The following RAB11FIP2 variants were observed in gnomAD, a reference collection of about 807,000 sequenced individuals.
The protein encoded by RAB11FIP2 is RAB11 family interacting protein 2.
RAB11FIP2 carries 16 observed loss-of-function variants against 40.9 expected under a neutral mutation model. That is an observed-to-expected ratio of 0.39 (90% CI 0.26 to 0.59). The LOEUF (loss-of-function observed/expected upper bound fraction) is 0.59. Ranked by LOEUF, RAB11FIP2 falls within the 20% of genes least tolerant of loss-of-function variation. The probability of loss-of-function intolerance (pLI) is 0.53; values close to 1 mark genes in which losing one functional copy is unlikely to be tolerated. For missense variants in RAB11FIP2, 532 were observed against 606.2 expected (o/e 0.88, Z 1.28); for synonymous variants, 228 against 213.7 (o/e 1.07, Z -0.58).
At chr10:118,010,125 A>G (rs12411445) in intron 4 of RAB11FIP2, among the ~76,000 whole-genome samples, 20 of 152,294 alleles carry the variant, frequency 1.3e-4, no homozygotes, top group Admixed American at 1.2e-3. Context: ...ATTTCTCAGG[A>G]ATTTAATCAA....
chr10:118,025,712 T>C (rs1846334608), intron 3 of RAB11FIP2, among the ~76,000 whole-genome samples: 1 of 152,196 alleles, frequency 6.6e-6, no homozygotes, highest in Non-Finnish European at 1.5e-5. Context: ...TTCTAACCCT[T>C]AACAGTTTTA....
intron 3 of RAB11FIP2, among the ~76,000 whole-genome samples, chr10:118,037,546 T>TTTGATA (rs1589647192): frequency 1.3e-5 from 2 of 152,080 alleles, no homozygotes; most frequent in East Asian, 3.9e-4. Flanking sequence ...ATAATTGTAG[T>TTTGATA]CACCATTTAT....
At chr10:118,013,915 TTTTG>T (rs1020702196) in intron 4 of RAB11FIP2, among the ~76,000 whole-genome samples, 1 of 152,130 alleles carries the variant, frequency 6.6e-6, no homozygotes, top group African/African-American at 2.4e-5. Context: ...TGATGTTGCA[TTTTG>T]TTTGAGATTA....
At chr10:118,042,230 G>T (rs1358702329) in intron 1 of RAB11FIP2, among the ~76,000 whole-genome samples, 1 of 152,064 alleles carries the variant, frequency 6.6e-6, no homozygotes, top group Non-Finnish European at 1.5e-5. Flanking sequence ...AAACGAGCAC[G>T]TATGTAACAA....
chr10:118,042,698 CTGTG>C (rs140082644), intron 1 of RAB11FIP2, among the ~76,000 whole-genome samples: 5 of 151,226 alleles, frequency 3.3e-5, no homozygotes, highest in Non-Finnish European at 5.9e-5. Context: ...TAAGCTACAA[CTGTG>C]TGTGTGTGTG....
rs942259836 is a variant in RAB11FIP2 at position 118,005,117 on chromosome 10, A to G, written c.*3881T>C. 2.0e-5 allele frequency: 3 copies of G among 152,644 alleles called. No homozygotes were observed. Among genetic ancestry groups the G allele is most frequent in the Admixed American group, 1.3e-4 (2 of 15,284 alleles). The allele number at this position is 152,644 out of a possible 1,614,324, so 9.5% of individuals were successfully genotyped here. ...TAAGTGTTATACTCTTCAGTTATAA[A>G]TAATGCTTCTATCTTTCAAATACCC... is the stretch of plus-strand genomic sequence containing the variant. On this transcript the variant is annotated 3_prime_UTR_variant, in exon 5 of 5. Coordinates refer to ENST00000355624, the MANE Select transcript of RAB11FIP2 (RefSeq NM_014904.3).
At chr10:118,041,218 T>C (rs145703031) in intron 1 of RAB11FIP2, among the ~76,000 whole-genome samples, 122 of 151,344 alleles carry the variant, frequency 8.1e-4, no homozygotes, top group African/African-American at 2.8e-3. Flanking sequence ...ATGCAAGAAG[T>C]GACAAAAAAT....
rs1349175290 is a variant in RAB11FIP2, at chr10:118,046,747, G to A, written c.-584C>T. The A allele has an allele frequency of 6.6e-6, 1 of 152,150 alleles. No homozygotes were observed. Among genetic ancestry groups the A allele is most frequent in the East Asian group, 1.9e-4 (1 of 5,156 alleles). The allele number at this position is 152,150 out of a possible 1,614,324, so 9.4% of individuals were successfully genotyped here. A position where few individuals can be genotyped will look rare whatever the true frequency, so the allele number is the denominator to read the frequency against. The stretch of plus-strand genomic sequence containing the variant: ...CCTCAGCTCCTCCTCTCGGGCGGGA[G>A]CGGGTAGCCAGGGGTGGAGTGGGGG... On this transcript the variant is annotated 5_prime_UTR_variant, in exon 1 of 5. Transcript: ENST00000355624.
chr10:118,020,611 G>A (rs775180443), intron 3 of RAB11FIP2, among the ~76,000 whole-genome samples: 60 of 152,078 alleles, frequency 3.9e-4, no homozygotes, highest in Admixed American at 3.3e-4. Flanking sequence ...TCCCAGCACC[G>A]CTCCCCTGCC....
chr10:118,032,852 C>T (rs1466643838), intron 3 of RAB11FIP2, among the ~76,000 whole-genome samples: 1 of 152,108 alleles, frequency 6.6e-6, no homozygotes, highest in Non-Finnish European at 1.5e-5. Context: ...ACTGTCTACA[C>T]TGCCTGCCCA....
chr10:118,006,436 T>C lies in RAB11FIP2; in HGVS notation c.*2562A>G, dbSNP rs912127223. ...TACTGTGCATTATTTAATAAGCACA[T>C]ATATTTTATTTCCATTTCTAAGCAA... On this transcript the variant is annotated 3_prime_UTR_variant, in exon 5 of 5. Coordinates refer to ENST00000355624, the MANE Select transcript of RAB11FIP2 (RefSeq NM_014904.3). 1.3e-5 allele frequency: 2 copies of C among 152,334 alleles called. No individual in the cohort carries two copies. Among genetic ancestry groups the C allele is most frequent in the African/African-American group, 2.4e-5 (1 of 41,432 alleles). The allele number at this position is 152,334 out of a possible 1,614,324, so 9.4% of individuals were successfully genotyped here. A position where few individuals can be genotyped will look rare whatever the true frequency, so the allele number is the denominator to read the frequency against.
chr10:118,040,552 C>G lies in RAB11FIP2; in HGVS notation c.367G>C (p.Glu123Gln). ...TTGATTCGTTTTCCTTGTTTGGATT[C>G]TAATCTAAACCACCTTAAAGAGAAG... The part of the protein sequence containing the change: ...QRRKTEWFRL[E>Q]SKQGKRIKNR... Residue 123 changes from glutamate (E) to glutamine (Q), a missense_variant, in exon 2 of 5, where the codon GAA (glutamate) becomes CAA (glutamine). Coordinates refer to ENST00000355624, the MANE Select transcript of RAB11FIP2 (RefSeq NM_014904.3). 1 of 1,603,256 alleles carries G rather than the reference C, an allele frequency of 6.2e-7. No homozygotes were observed. Among genetic ancestry groups the G allele is most frequent in the Non-Finnish European group, 8.5e-7 (1 of 1,175,174 alleles).
rs1246650550 is a variant in RAB11FIP2 at position 118,037,512 on chromosome 10, AT to A, written c.1265+1459del. Among the ~76,000 whole-genome samples the A allele has an allele frequency of 2.0e-5, 3 of 152,230 alleles. No individual in the cohort carries two copies. The East Asian group carries it at 5.8e-4, about 29-fold the overall frequency. On this transcript the variant is annotated intron_variant, in intron 3 of 4. Coordinates refer to ENST00000355624, the MANE Select transcript of RAB11FIP2 (RefSeq NM_014904.3). ...AAACAAAGCACTGTTTTTTAGTAAA[AT>A]ATAACATGACGATACATCAAACATA...
intron 4 of RAB11FIP2, among the ~76,000 whole-genome samples, chr10:118,012,489 T>C (rs1192480185): frequency 2.0e-5 from 3 of 151,894 alleles, no homozygotes; most frequent in Admixed American, 2.0e-4. Flanking sequence ...AACCTTCTAA[T>C]TTTAGGCATG....
At chr10:118,042,694 A>G (rs749208032) in intron 1 of RAB11FIP2, among the ~76,000 whole-genome samples, 1 of 152,180 alleles carries the variant, frequency 6.6e-6, no homozygotes, top group Non-Finnish European at 1.5e-5. Context: ...CAAGTAAGCT[A>G]CAACTGTGTG....
chr10:118,040,371 G>A lies in RAB11FIP2; in HGVS notation c.548C>T (p.Thr183Met), dbSNP rs1316460402. Residue 183 changes from threonine to methionine, a missense_variant, in exon 2 of 5, where the codon ACG becomes ATG. By Grantham distance (81) the Thr-to-Met change is moderately conservative. Transcript: ENST00000355624. ...AGTACTTGGAATGATTGCAGAAGACGTATCAGAAAATGTTCCATCATTTTT... is the reference window on the plus strand; with the variant it reads ...AGTACTTGGAATGATTGCAGAAGACATATCAGAAAATGTTCCATCATTTTT... ...GRKNDGTFSDTSSAIIPSTHM... is the reference protein window; with the variant it reads ...GRKNDGTFSDMSSAIIPSTHM... 2.5e-6 allele frequency: 4 copies of A among 1,613,510 alleles called. No individual in the cohort carries two copies. The highest frequency in any genetic ancestry group is 3.4e-6 in the Non-Finnish European group (4 of 1,179,596).
At chr10:118,029,843 A>T (rs1165982596) in intron 3 of RAB11FIP2, among the ~76,000 whole-genome samples, 2 of 152,188 alleles carry the variant, frequency 1.3e-5, no homozygotes, top group African/African-American at 4.8e-5. Context: ...AGAAATTTCA[A>T]ATTTACACAG....
At chr10:118,029,198 T>C (rs1191555197) in intron 3 of RAB11FIP2, among the ~76,000 whole-genome samples, 1 of 152,060 alleles carries the variant, frequency 6.6e-6, no homozygotes, top group East Asian at 1.9e-4. Flanking sequence ...GTTTTTATTG[T>C]CTCTTCTCCC....
At chr10:118,014,592 A>G (rs1004034388) in intron 4 of RAB11FIP2, among the ~76,000 whole-genome samples, 1 of 152,180 alleles carries the variant, frequency 6.6e-6, no homozygotes, top group Non-Finnish European at 1.5e-5. Flanking sequence ...TAAGTGTCCT[A>G]AAGTATTTGT....
Sources: allele counts gnomAD v4.1 joint callset (sites outside exome capture counted in the v4.1 genomes callset), GRCh38; gene constraint gnomAD v4.1.1; transcripts MANE v1.5; gene names NCBI Gene and HGNC (gene_info 2026-07-23, HGNC 2026-07-21).